The following TBC1D19 variants were observed in gnomAD, a reference collection of about 807,000 sequenced individuals.
The protein encoded by TBC1D19 is TBC1 domain family, member 19.
Under a neutral mutation model 89.0 loss-of-function variants are expected in TBC1D19, and 60 were observed. That is an observed-to-expected ratio of 0.67 (90% CI 0.55 to 0.84). TBC1D19 has a LOEUF of 0.84. TBC1D19 is among the 40% of genes least tolerant of loss of function. TBC1D19 has a pLI of 0.00. For synonymous variants in TBC1D19, 189 were observed against 199.7 expected (o/e 0.95, Z 0.45); for missense variants, 500 against 610.8 (o/e 0.82, Z 1.91).
intron 3 of TBC1D19, among the ~76,000 whole-genome samples, chr4:26,620,196 C>A (rs1004675528): frequency 3.3e-5 from 5 of 152,186 alleles, no homozygotes; most frequent in African/African-American, 1.2e-4. Flanking sequence ...TCCCCCAGAT[C>A]TTTGCATGGT....
the TBC1D19 span, among the ~76,000 whole-genome samples, chr4:26,824,610 C>T: frequency 7.9e-5 from 12 of 152,198 alleles, no homozygotes; most frequent in Admixed American, 5.9e-4. Flanking sequence ...ACATAGTTTC[C>T]ACATTATATT....
At chr4:26,783,193 A>G in the TBC1D19 span, among the ~76,000 whole-genome samples, 1 of 152,200 alleles carries the variant, frequency 6.6e-6, no homozygotes, top group Non-Finnish European at 1.5e-5. Flanking sequence ...TCTAGGTTAT[A>G]AAAATACATA....
chr4:26,606,036 A>G (rs937341425), intron 1 of TBC1D19, among the ~76,000 whole-genome samples: 13 of 152,160 alleles, frequency 8.5e-5, no homozygotes, highest in Non-Finnish European at 1.8e-4. Flanking sequence ...TTTTTTTGAG[A>G]TGTAGTCTCA....
At chr4:26,710,439 C>T (rs1191969219) in intron 13 of TBC1D19, among the ~76,000 whole-genome samples, 3 of 152,162 alleles carry the variant, frequency 2.0e-5, no homozygotes, top group African/African-American at 4.8e-5. Context: ...CATTGTTGGA[C>T]ATTTGGGTTG....
chr4:26,636,775 T>C (rs1247472069), intron 4 of TBC1D19, among the ~76,000 whole-genome samples: 1 of 152,248 alleles, frequency 6.6e-6, no homozygotes, highest in East Asian at 1.9e-4. Context: ...TAAAATTTCA[T>C]TTTTGGAAAA....
At chr4:26,645,746 A>C (rs544814901) in intron 7 of TBC1D19, among the ~76,000 whole-genome samples, 1 of 152,368 alleles carries the variant, frequency 6.6e-6, no homozygotes, top group South Asian at 2.1e-4. Context: ...AAATTTTTGC[A>C]ATCTACCCAT....
intron 1 of TBC1D19, 145 bp downstream of exon 1, chr4:26,584,437 A>C (rs1739289038): frequency 1.4e-6 from 1 of 695,262 alleles, no homozygotes; most frequent in Non-Finnish European, 2.3e-6. Flanking sequence ...AAAAACAAAA[A>C]CAAAAACAAA....
chr4:26,741,628 CT>C (rs559984512), intron 17 of TBC1D19, among the ~76,000 whole-genome samples: 2,718 of 141,364 alleles, frequency 0.019, 58 homozygotes, highest in African/African-American at 0.057. Flanking sequence ...TGCCTCTGTC[CT>C]TTTTTTTTTT....
At chr4:26,588,884 G>A (rs6841960) in intron 1 of TBC1D19, among the ~76,000 whole-genome samples, 148,883 of 152,292 alleles carry the variant, frequency 0.98, 72,854 homozygotes, top group East Asian at 1. Flanking sequence ...GGTCTAGTAG[G>A]CAATTTTGTT....
chr4:26,714,373 T>C (rs1381446991), intron 13 of TBC1D19, among the ~76,000 whole-genome samples: 1 of 152,098 alleles, frequency 6.6e-6, no homozygotes. Flanking sequence ...CCAAACATTG[T>C]GTATGGTGCT....
chr4:26,833,542 C>T, the TBC1D19 span, among the ~76,000 whole-genome samples: 1 of 152,136 alleles, frequency 6.6e-6, no homozygotes, highest in Non-Finnish European at 1.5e-5. Flanking sequence ...ATCATTCAGT[C>T]AGTAGCAGTA....
At position 26,688,292 on chromosome 4, in the gene TBC1D19, C is replaced by G. The variant is rs1296319614; in HGVS notation, c.892-53C>G. ...CTAAATACATGTGTATGCTTTAGTACTACAGACAGATCTGTTTGAGTTCTT... is the reference window on the plus strand; with the variant it reads ...CTAAATACATGTGTATGCTTTAGTAGTACAGACAGATCTGTTTGAGTTCTT... On this transcript the variant is annotated intron_variant, in intron 12 of 20. Coordinates refer to ENST00000264866, the MANE Select transcript of TBC1D19 (RefSeq NM_018317.4). 5 of 1,533,596 alleles carry G rather than the reference C, an allele frequency of 3.3e-6. No individual in the cohort carries two copies. The East Asian group carries it at 1.2e-4, about 37-fold the overall frequency. 95.0% of individuals were successfully genotyped at this position (1,533,596 alleles called of 1,614,324 possible). A position where few individuals can be genotyped will look rare whatever the true frequency, so the allele number is the denominator to read the frequency against.
the TBC1D19 span, among the ~76,000 whole-genome samples, chr4:26,843,988 C>T: frequency 6.6e-6 from 1 of 152,162 alleles, no homozygotes; most frequent in African/African-American, 2.4e-5. Context: ...ATGAGGGACC[C>T]GGCCCCACGA....
intron 1 of TBC1D19, among the ~76,000 whole-genome samples, chr4:26,612,577 A>G (rs1741448801): frequency 6.6e-6 from 1 of 152,120 alleles, no homozygotes; most frequent in South Asian, 2.1e-4. Context: ...AATCAAAGCC[A>G]TTACAAGTAG....
intron 1 of TBC1D19, among the ~76,000 whole-genome samples, chr4:26,592,023 G>A (rs1300106486): frequency 6.6e-6 from 1 of 152,134 alleles, no homozygotes; most frequent in African/African-American, 2.4e-5. Flanking sequence ...AAGCCTGGCA[G>A]AGACACAACA....
chr4:26,832,585 T>G, the TBC1D19 span, among the ~76,000 whole-genome samples: 1 of 152,212 alleles, frequency 6.6e-6, no homozygotes, highest in Non-Finnish European at 1.5e-5. Context: ...ACATTTCATA[T>G]GTGTACAATA....
At chr4:26,714,396 A>G (rs1401414755) in intron 13 of TBC1D19, among the ~76,000 whole-genome samples, 1 of 152,042 alleles carries the variant, frequency 6.6e-6, no homozygotes, top group Non-Finnish European at 1.5e-5. Flanking sequence ...TACCACTTGA[A>G]CTGAAACTAC....
chr4:26,836,457 G>T, the TBC1D19 span, among the ~76,000 whole-genome samples: 1 of 152,210 alleles, frequency 6.6e-6, no homozygotes, highest in African/African-American at 2.4e-5. Context: ...ACACTTCAGG[G>T]AATATGTAGT....
At chr4:26,831,660 G>A in the TBC1D19 span, among the ~76,000 whole-genome samples, 2 of 143,892 alleles carry the variant, frequency 1.4e-5, no homozygotes, top group African/African-American at 5.2e-5. Flanking sequence ...TTGGCTTACT[G>A]CAAGCTCGGC....
Sources: gnomAD v4.1 joint callset for allele counts (sites outside exome capture counted in the v4.1 genomes callset) on GRCh38, gnomAD v4.1.1 for gene constraint, MANE v1.5 for transcripts, NCBI Gene and HGNC (gene_info 2026-07-23, HGNC 2026-07-21) for gene names.